The following GLIS3 variants were observed in gnomAD, a reference collection of about 807,000 sequenced individuals.
The protein encoded by GLIS3 is zinc finger protein GLIS3.
A neutral mutation model predicts 78.6 loss-of-function variants in GLIS3; 53 were observed. The observed-to-expected ratio is 0.67, with a 90% CI of 0.54 to 0.85. The LOEUF (loss-of-function observed/expected upper bound fraction) is 0.85, where lower values mean the gene tolerates loss of function less well. GLIS3 is among the 40% of genes least tolerant of loss of function. The pLI is 0.00. For synonymous variants in GLIS3, 684 were observed against 509.9 expected (o/e 1.34, Z -4.60); for missense variants, 1,703 against 1,231.1 (o/e 1.38, Z -5.74).
chr9:4,208,681 T>C (rs1820096958), intron 2 of GLIS3, among the ~76,000 whole-genome samples: 1 of 152,206 alleles, frequency 6.6e-6, no homozygotes, highest in Non-Finnish European at 1.5e-5. Context: ...GAGAATAATT[T>C]GAAAAACCCT....
At chr9:4,255,873 A>T (rs1358045373) in intron 2 of GLIS3, among the ~76,000 whole-genome samples, 1 of 152,128 alleles carries the variant, frequency 6.6e-6, no homozygotes, top group Non-Finnish European at 1.5e-5. Flanking sequence ...GGTAATCATG[A>T]TGTGTCAATG....
intron 8 of GLIS3, among the ~76,000 whole-genome samples, chr9:3,862,223 T>C (rs1820258660): frequency 6.6e-6 from 1 of 152,158 alleles, no homozygotes; most frequent in South Asian, 2.1e-4. Context: ...CTAGCGGAGA[T>C]GGAAAGCAAT....
intron 2 of GLIS3, among the ~76,000 whole-genome samples, chr9:4,241,661 T>G (rs1286651490): frequency 1.3e-5 from 2 of 151,390 alleles, no homozygotes; most frequent in Non-Finnish European, 2.9e-5. Context: ...CACAGCACAC[T>G]TGTGCTTTTT....
chr9:4,275,461 C>G (rs1036159672), intron 2 of GLIS3, among the ~76,000 whole-genome samples: 9 of 152,026 alleles, frequency 5.9e-5, no homozygotes, highest in African/African-American at 2.2e-4. Context: ...CCACACAGCA[C>G]ATAAAGAATG....
In GLIS3 at chr9:3,937,027, C is replaced by T. The variant is rs1825936386; in HGVS notation, c.1872+1G>A. The stretch of plus-strand genomic sequence containing the variant: ...AACTGGAAAGCTCCTGCCATTCTTA[C>T]GGTGTCCAGATGCGTCCGCTGGTGT... On this transcript the variant is annotated splice_donor_variant, in intron 5 of 10. Transcript: ENST00000381971. LOFTEE classifies it high-confidence loss of function. The T allele has an allele frequency of 2.5e-6, 4 of 1,612,544 alleles. No homozygotes were observed. Among genetic ancestry groups the T allele is most frequent in the African/African-American group, 2.7e-5 (2 of 74,984 alleles).
intron 4 of GLIS3, among the ~76,000 whole-genome samples, chr9:3,989,277 G>C (rs1465532189): frequency 6.6e-6 from 1 of 152,094 alleles, no homozygotes; most frequent in East Asian, 1.9e-4. Flanking sequence ...TGAAGAAACT[G>C]GATCACTCAT....
chr9:4,254,901 A>C (rs1824770366), intron 2 of GLIS3, among the ~76,000 whole-genome samples: 1 of 152,154 alleles, frequency 6.6e-6, no homozygotes, highest in Non-Finnish European at 1.5e-5. Flanking sequence ...CAAGGGAATA[A>C]AGACAGAAGC....
At chr9:4,391,563 GT>G in the GLIS3 span, among the ~76,000 whole-genome samples, 1,320 of 152,014 alleles carry the variant, frequency 8.7e-3, 14 homozygotes, top group African/African-American at 0.031. Flanking sequence ...GTGTGTGTGT[GT>G]GTGTGTGTGT....
At chr9:3,920,019 T>G (rs1243882591) in intron 6 of GLIS3, among the ~76,000 whole-genome samples, 2 of 150,272 alleles carry the variant, frequency 1.3e-5, no homozygotes, top group African/African-American at 2.5e-5. Context: ...TTTTTTTTTT[T>G]TTGAGACAGA....
At chr9:4,375,770 G>A in the GLIS3 span, among the ~76,000 whole-genome samples, 1 of 152,120 alleles carries the variant, frequency 6.6e-6, no homozygotes, top group Non-Finnish European at 1.5e-5. Flanking sequence ...AGTGCGAGTG[G>A]GAAAGTTTTA....
At chr9:3,982,238 A>G (rs1819356915) in intron 4 of GLIS3, among the ~76,000 whole-genome samples, 1 of 151,582 alleles carries the variant, frequency 6.6e-6, no homozygotes, top group Non-Finnish European at 1.5e-5. Context: ...ACATAGCTAC[A>G]TAAACTTTAA....
At chr9:4,474,890 C>T in the GLIS3 span, among the ~76,000 whole-genome samples, 1 of 151,356 alleles carries the variant, frequency 6.6e-6, no homozygotes, top group African/African-American at 2.4e-5. Context: ...TTTACAGAGA[C>T]GGGGGCTCCC....
At chr9:3,844,954 A>G (rs1818942755) in intron 9 of GLIS3, among the ~76,000 whole-genome samples, 1 of 152,226 alleles carries the variant, frequency 6.6e-6, no homozygotes, top group Non-Finnish European at 1.5e-5. Context: ...AAATTAGTAT[A>G]GCCTTCCTAA....
chr9:4,258,167 C>T (rs905864152), intron 2 of GLIS3, among the ~76,000 whole-genome samples: 2 of 151,912 alleles, frequency 1.3e-5, no homozygotes, highest in Non-Finnish European at 2.9e-5. Context: ...AAAAAAAATA[C>T]GTCTTTTTTG....
At chr9:3,970,895 T>C (rs953497150) in intron 4 of GLIS3, among the ~76,000 whole-genome samples, 1 of 151,894 alleles carries the variant, frequency 6.6e-6, no homozygotes, top group Admixed American at 6.6e-5. Flanking sequence ...GTATTTGCCC[T>C]GCTATATGAC....
intron 2 of GLIS3, among the ~76,000 whole-genome samples, chr9:4,160,487 T>A (rs1010601960): frequency 6.6e-6 from 1 of 152,220 alleles, no homozygotes; most frequent in Non-Finnish European, 1.5e-5. Flanking sequence ...TTGAACCACA[T>A]ATTAAAAACA....
At chr9:4,409,254 T>A in the GLIS3 span, among the ~76,000 whole-genome samples, 1 of 152,208 alleles carries the variant, frequency 6.6e-6, no homozygotes, top group Non-Finnish European at 1.5e-5. Context: ...TGGAATGAAC[T>A]CTTTTAAACT....
intron 2 of GLIS3, among the ~76,000 whole-genome samples, chr9:4,133,184 TTAAGAA>T (rs1312556841): frequency 6.6e-6 from 1 of 152,234 alleles, no homozygotes; most frequent in Admixed American, 6.5e-5. Flanking sequence ...TTTGAACCAT[TTAAGAA>T]TAAGTTGCAG....
chr9:3,960,826 T>C (rs183070333), intron 4 of GLIS3, among the ~76,000 whole-genome samples: 16 of 152,302 alleles, frequency 1.1e-4, no homozygotes, highest in Admixed American at 3.9e-4. Context: ...CATATGAACA[T>C]AGTTTGAAAG....
Sources: gnomAD v4.1 joint callset for allele counts (sites outside exome capture counted in the v4.1 genomes callset) on GRCh38, gnomAD v4.1.1 for gene constraint, MANE v1.5 for transcripts, NCBI Gene and HGNC (gene_info 2026-07-23, HGNC 2026-07-21) for gene names.